NRXN1: variants seen among roughly 807,000 people sequenced by gnomAD.
The protein encoded by NRXN1 is neurexin-1.
Under a neutral mutation model 150.9 loss-of-function variants are expected in NRXN1, and 39 were observed. The observed-to-expected ratio is 0.26, with a 90% CI of 0.20 to 0.34. The LOEUF (loss-of-function observed/expected upper bound fraction) is 0.34. Among genes scored for constraint, NRXN1 ranks in the 10% least tolerant of loss-of-function variants. The pLI, the probability that NRXN1 is intolerant of heterozygous loss-of-function variation, is 1.00. For missense variants in NRXN1, 1,815 were observed against 1,949.9 expected, an observed-to-expected ratio of 0.93 and a Z score of 1.30; for synonymous variants, 924 against 757.0, an observed-to-expected ratio of 1.22 and a Z score of -3.62.
intron 8 of NRXN1, among the ~76,000 whole-genome samples, chr2:50,566,581 A>T (rs1234437808): frequency 6.6e-6 from 1 of 151,908 alleles, no homozygotes. Context: ...TCATTACAGC[A>T]CCCAACAGCA....
chr2:50,067,514 CA>C (rs1278443758), intron 19 of NRXN1, among the ~76,000 whole-genome samples: 2 of 152,216 alleles, frequency 1.3e-5, no homozygotes, highest in African/African-American at 4.8e-5. Flanking sequence ...AGTATCATAT[CA>C]AAAACCAGCA....
intron 19 of NRXN1, among the ~76,000 whole-genome samples, chr2:50,082,572 C>A (rs1698127592): frequency 6.6e-6 from 1 of 152,144 alleles, no homozygotes; most frequent in African/African-American, 2.4e-5. Flanking sequence ...TTTTCAGAAT[C>A]TGAGAACTTT....
At chr2:50,058,125 ATAAT>A (rs1693933843) in intron 19 of NRXN1, among the ~76,000 whole-genome samples, 1 of 152,212 alleles carries the variant, frequency 6.6e-6, no homozygotes, top group Admixed American at 6.5e-5. Context: ...TACTAATAAA[ATAAT>A]TGTGTGATTG....
At chr2:51,014,247 C>T (rs1337525954) in intron 2 of NRXN1, among the ~76,000 whole-genome samples, 2 of 151,992 alleles carry the variant, frequency 1.3e-5, no homozygotes, top group Non-Finnish European at 2.9e-5. Flanking sequence ...GTAAAATAAA[C>T]AGAGCGGGGG....
At chr2:50,315,513 C>A (rs1341223433) in intron 17 of NRXN1, among the ~76,000 whole-genome samples, 1 of 152,114 alleles carries the variant, frequency 6.6e-6, no homozygotes, top group Admixed American at 6.6e-5. Context: ...GTGCAATATT[C>A]AAATCTGTGG....
chr2:50,751,684 TA>T (rs1277262286), intron 5 of NRXN1, among the ~76,000 whole-genome samples: 1 of 151,972 alleles, frequency 6.6e-6, no homozygotes, highest in African/African-American at 2.4e-5. Context: ...ATTCCTGCAT[TA>T]AAGAGTAAAA....
intron 2 of NRXN1, among the ~76,000 whole-genome samples, chr2:51,002,592 A>C (rs1314430533): frequency 6.6e-6 from 1 of 151,964 alleles, no homozygotes; most frequent in African/African-American, 2.4e-5. Context: ...CTATGTACCT[A>C]GGAAGGAAGT....
intron 5 of NRXN1, among the ~76,000 whole-genome samples, chr2:50,870,140 T>C (rs756617025): frequency 4.0e-5 from 6 of 151,886 alleles, no homozygotes; most frequent in African/African-American, 4.8e-5. Context: ...GCATATCAAA[T>C]ATGTGAAATT....
intron 8 of NRXN1, 51 bp from the exon 9 acceptor site, chr2:50,553,076 G>A: frequency 7.7e-7 from 1 of 1,295,890 alleles, no homozygotes; most frequent in Non-Finnish European, 1.1e-6. Flanking sequence ...TTTAATATCT[G>A]AAACTTGTGA....
intron 17 of NRXN1, among the ~76,000 whole-genome samples, chr2:50,382,537 G>T (rs1286944758): frequency 6.6e-6 from 1 of 152,096 alleles, no homozygotes; most frequent in African/African-American, 2.4e-5. Context: ...CCTTTCTCCT[G>T]GGCATCATCA....
At chr2:50,119,340 A>C (rs2152734131) in intron 18 of NRXN1, among the ~76,000 whole-genome samples, 1 of 139,724 alleles carries the variant, frequency 7.2e-6, no homozygotes, top group African/African-American at 2.6e-5. Flanking sequence ...AATGCTCCCC[A>C]CAAAGTAAAC....
intron 18 of NRXN1, among the ~76,000 whole-genome samples, chr2:50,095,423 C>T (rs1700088831): frequency 6.6e-6 from 1 of 152,120 alleles, no homozygotes; most frequent in Admixed American, 6.6e-5. Flanking sequence ...AGACCTGGTT[C>T]TTATCCAGGA....
intron 8 of NRXN1, among the ~76,000 whole-genome samples, chr2:50,618,180 G>C (rs929260141): frequency 2.6e-5 from 4 of 152,138 alleles, no homozygotes; most frequent in African/African-American, 9.7e-5. Flanking sequence ...ACAGGTGATT[G>C]GGGATGCGGC....
chr2:50,193,819 G>T (rs1183481189), intron 18 of NRXN1, among the ~76,000 whole-genome samples: 1 of 151,714 alleles, frequency 6.6e-6, no homozygotes, highest in Non-Finnish European at 1.5e-5. Context: ...CTATCTCAAG[G>T]ACATACTGTC....
chr2:50,866,842 T>C (rs115999619), intron 5 of NRXN1, among the ~76,000 whole-genome samples: 149 of 152,000 alleles, frequency 9.8e-4, no homozygotes, highest in African/African-American at 3.4e-3. Flanking sequence ...AAAACTGGGT[T>C]ATAATTCATT....
intron 17 of NRXN1, among the ~76,000 whole-genome samples, chr2:50,258,908 C>G (rs1287162220): frequency 6.6e-6 from 1 of 152,026 alleles, no homozygotes; most frequent in African/African-American, 2.4e-5. Flanking sequence ...ATCTCTATTT[C>G]TAAGCAGTAG....
chr2:50,634,008 A>G (rs1682820256), intron 5 of NRXN1, among the ~76,000 whole-genome samples: 1 of 152,188 alleles, frequency 6.6e-6, no homozygotes, highest in African/African-American at 2.4e-5. Flanking sequence ...AAAGAATAGA[A>G]AGAATAGGAA....
chr2:50,990,401 G>A (rs1193247608), intron 2 of NRXN1, among the ~76,000 whole-genome samples: 1 of 151,926 alleles, frequency 6.6e-6, no homozygotes, highest in Admixed American at 6.6e-5. Flanking sequence ...GTTTTTCAAA[G>A]CTTTTAGCTC....
intron 5 of NRXN1, among the ~76,000 whole-genome samples, chr2:50,894,967 T>C (rs1182195560): frequency 6.6e-6 from 1 of 152,186 alleles, no homozygotes; most frequent in African/African-American, 2.4e-5. Context: ...CTTCATGTTA[T>C]TCCATATCTC....
Sources: gnomAD v4.1 joint callset for allele counts (sites outside exome capture counted in the v4.1 genomes callset) on GRCh38, gnomAD v4.1.1 for gene constraint, MANE v1.5 for transcripts, NCBI Gene and HGNC (gene_info 2026-07-23, HGNC 2026-07-21) for gene names.